Variants in RAB11FIP3 observed in about 807,000 individuals in gnomAD.
RAB11FIP3 encodes the protein rab11 family-interacting protein 3.
In RAB11FIP3, 17 loss-of-function variants were observed where a neutral mutation model predicts 77.8. That is an observed-to-expected ratio of 0.22 (90% CI 0.15 to 0.33). The LOEUF is 0.33. RAB11FIP3 is among the 10% of genes least tolerant of loss of function. The pLI is 1.00. For missense variants in RAB11FIP3, 1,005 were observed against 1,011.2 expected (o/e 0.99, Z 0.08); for synonymous variants, 437 against 448.2 (o/e 0.98, Z 0.31).
rs1479280283 is a variant in RAB11FIP3 at position 426,263 on chromosome 16, G to A, written c.257G>A (p.Gly86Glu). The A allele has an allele frequency of 8.5e-7, 1 of 1,179,208 alleles. No homozygotes were observed. The highest frequency in any genetic ancestry group is 4.6e-5 in the Admixed American group (1 of 21,540). The allele number at this position is 1,179,208 out of a possible 1,614,324, so 73.0% of individuals were successfully genotyped here. The change falls in exon 1 of 14, where the codon GGG becomes GAG. Residue 86 changes from glycine to glutamate, a missense_variant. This residue lies in a region of RAB11FIP3 where 466 missense variants were observed against 408.3 expected (regional missense o/e 1.14). Transcript: ENST00000262305. The surrounding 1 kb of genome is among the most constrained non-coding windows in gnomAD (Gnocchi z 5.0). ...PGLEGGPRDP[G>E]PSAPPPRSGP... Reference sequence around the variant, plus strand: ...CTGGAGGGAGGCCCGCGAGACCCCGGGCCGTCCGCCCCGCCGCCGCGCTCC... The same window carrying A: ...CTGGAGGGAGGCCCGCGAGACCCCGAGCCGTCCGCCCCGCCGCCGCGCTCC...
At chr16:502,841 A>G (rs1360108796) in intron 6 of RAB11FIP3, 163 bp from the exon 7 acceptor site, 3 of 657,806 alleles carry the variant, frequency 4.6e-6, no homozygotes, top group Admixed American at 2.7e-5. Flanking sequence ...CCCCCTGTAT[A>G]TAGTGCTTTA....
chr16:482,950 A>G (rs1209752792), intron 4 of RAB11FIP3, among the ~76,000 whole-genome samples: 1 of 146,430 alleles, frequency 6.8e-6, no homozygotes, highest in Non-Finnish European at 1.5e-5. Flanking sequence ...GTTCCAGCTG[A>G]CTTTCCTGTC....
At chr16:458,468 G>A (rs1185158998) in intron 1 of RAB11FIP3, among the ~76,000 whole-genome samples, 1 of 143,036 alleles carries the variant, frequency 7.0e-6, no homozygotes. Flanking sequence ...ATGCCCACAG[G>A]GCCTGGGGGG....
chr16:495,546 C>T (rs1167359419), intron 5 of RAB11FIP3, among the ~76,000 whole-genome samples: 1 of 152,200 alleles, frequency 6.6e-6, no homozygotes, highest in African/African-American at 2.4e-5. Flanking sequence ...TCGGAGGGCC[C>T]TGCAGAGAGT....
intron 1 of RAB11FIP3, among the ~76,000 whole-genome samples, chr16:440,348 C>G (rs529068649): frequency 6.6e-6 from 1 of 151,822 alleles, no homozygotes. Context: ...CCAGGTTGTT[C>G]TCCAACTCCT....
chr16:479,745 A>G (rs1041078234), intron 3 of RAB11FIP3, among the ~76,000 whole-genome samples: 15 of 152,076 alleles, frequency 9.9e-5, no homozygotes, highest in Admixed American at 9.8e-4. Flanking sequence ...AACAAGGCAA[A>G]ACTCCATTTC....
intron 1 of RAB11FIP3, among the ~76,000 whole-genome samples, chr16:434,935 G>A (rs961995622): frequency 6.6e-6 from 1 of 152,122 alleles, no homozygotes; most frequent in African/African-American, 2.4e-5. Flanking sequence ...ACCAGGCGCG[G>A]TGGCTCACGC....
At position 520,197 on chromosome 16, in the gene RAB11FIP3, A is replaced by G. The variant is rs559245815; in HGVS notation, c.1936A>G (p.Ser646Gly). ...KLEAEQRRGR[S>G]SSMGLQEYHS... ...GGAGGCCGAGCAGCGGCGGGGCCGC[A>G]GCAGCAGCATGGGCCTGCAGGAGTA... Residue 646 changes from serine (S) to glycine (G), a missense_variant, in exon 12 of 14, where the codon AGC (serine) becomes GGC (glycine). Physicochemically the swap from Ser to Gly is moderately conservative, Grantham distance 56. This residue lies in a region of RAB11FIP3 where 433 missense variants were observed against 436.1 expected (regional missense o/e 0.99). Transcript: ENST00000262305. 5.2e-6 allele frequency: 8 copies of G among 1,545,306 alleles called. No homozygotes were observed. In the East Asian group the frequency reaches 7.3e-5, roughly 14 times the overall value.
At chr16:482,346 G>A (rs1013014321) in intron 3 of RAB11FIP3, 179 bp from the exon 4 acceptor site, 14 of 722,328 alleles carry the variant, frequency 1.9e-5, no homozygotes, top group Non-Finnish European at 3.5e-5. Flanking sequence ...GTGAGTCACC[G>A]CGCCCAGCCT....
At chr16:493,996 C>A (rs190679371) in intron 5 of RAB11FIP3, among the ~76,000 whole-genome samples, 1,381 of 134,998 alleles carry the variant, frequency 0.01, 39 homozygotes, top group African/African-American at 0.038. Context: ...CTCTGCCTCC[C>A]GGGTTCACTC....
Position 471,163 on chromosome 16 carries a change from C to T in RAB11FIP3, c.809-132C>T, listed in dbSNP as rs1345805978. ...TGCTCACTCCCTTGCTTGTCTTGAC[C>T]CCCCCCAGGGCCCCCAACTCCCACA... On this transcript the variant is annotated intron_variant, in intron 2 of 13. Coordinates refer to ENST00000262305, the MANE Select transcript of RAB11FIP3 (RefSeq NM_014700.4). This position sits in a 1 kb window ranked among gnomAD's most constrained non-coding sequence, Gnocchi z 4.4. 4.2e-6 allele frequency: 3 copies of T among 707,908 alleles called. No homozygotes were observed. Among genetic ancestry groups the T allele is most frequent in the Admixed American group, 4.8e-5 (2 of 41,302 alleles). 43.9% of individuals were successfully genotyped at this position (707,908 alleles called of 1,614,324 possible). A position where few individuals can be genotyped will look rare whatever the true frequency, so the allele number is the denominator to read the frequency against.
chr16:492,382 GC>G (rs2030419928), intron 5 of RAB11FIP3, among the ~76,000 whole-genome samples: 1 of 144,218 alleles, frequency 6.9e-6, no homozygotes, highest in Non-Finnish European at 1.5e-5. Context: ...ACCCGAGGCC[GC>G]CCAGAGCCCT....
At chr16:454,205 T>G (rs2055457960) in intron 1 of RAB11FIP3, among the ~76,000 whole-genome samples, 1 of 152,148 alleles carries the variant, frequency 6.6e-6, no homozygotes, top group Non-Finnish European at 1.5e-5. Context: ...GCAGGGTCGT[T>G]AAGCATCAAC....
At chr16:467,942 G>A (rs1278389899) in intron 2 of RAB11FIP3, among the ~76,000 whole-genome samples, 30 of 114,954 alleles carry the variant, frequency 2.6e-4, no homozygotes, top group African/African-American at 8.0e-4. Flanking sequence ...AGGTGCAGGG[G>A]CGTCAGGGAG....
intron 4 of RAB11FIP3, among the ~76,000 whole-genome samples, chr16:484,455 G>A (rs1198265684): frequency 6.6e-6 from 1 of 151,974 alleles, no homozygotes; most frequent in African/African-American, 2.4e-5. Context: ...AGGTTCCAGC[G>A]ATTCTCCTGC....
rs985334302 is a variant in RAB11FIP3, at chr16:522,733, A to C, written c.*1894A>C. On this transcript the variant is annotated 3_prime_UTR_variant, in exon 14 of 14. Transcript: ENST00000262305. ...CTGACGAGCTGCTGAGACAGCATCA[A>C]GGTGGGGCAGGTGGGGCGGGGCAAA... The C allele has an allele frequency of 6.6e-6, 1 of 152,274 alleles. No individual in the cohort carries two copies. Among genetic ancestry groups the C allele is most frequent in the African/African-American group, 2.4e-5 (1 of 41,440 alleles). 9.4% of individuals were successfully genotyped at this position (152,274 alleles called of 1,614,324 possible).
rs2055780841 is a variant in RAB11FIP3 at position 469,976 on chromosome 16, A to G, written c.809-1319A>G. Among the ~76,000 whole-genome samples, 6 of 151,472 alleles carry G rather than the reference A, an allele frequency of 4.0e-5. 1 individual carries two copies. In the South Asian group the frequency reaches 1.2e-3, roughly 31 times the overall value. ...AGGTGTGTCCCACAATGTCCAGCTG[A>G]TTTTTTTCTTTTCTTTTCTTTCTTT... On this transcript the variant is annotated intron_variant, in intron 2 of 13. Coordinates refer to ENST00000262305, the MANE Select transcript of RAB11FIP3 (RefSeq NM_014700.4).
intron 1 of RAB11FIP3, among the ~76,000 whole-genome samples, chr16:437,089 A>G (rs1456076994): frequency 6.6e-6 from 1 of 152,062 alleles, no homozygotes; most frequent in Non-Finnish European, 1.5e-5. Context: ...CAGCCTGGAC[A>G]ACATGATACA....
At chr16:512,975 C>T (rs1269623165) in intron 9 of RAB11FIP3, among the ~76,000 whole-genome samples, 1 of 152,062 alleles carries the variant, frequency 6.6e-6, no homozygotes, top group Non-Finnish European at 1.5e-5. Flanking sequence ...AGCCACTGTG[C>T]CCGCCGAGGC....
Sources: allele counts gnomAD v4.1 joint callset (sites outside exome capture counted in the v4.1 genomes callset), GRCh38; gene constraint gnomAD v4.1.1; regional missense constraint gnomAD v4.1.1; non-coding constraint Gnocchi (gnomAD v3.1); transcripts MANE v1.5; gene names NCBI Gene and HGNC (gene_info 2026-07-23, HGNC 2026-07-21).